ITGB2: variants seen among roughly 807,000 people sequenced by gnomAD.
ITGB2 encodes integrin beta-2.
ITGB2 carries 56 observed loss-of-function variants against 86.8 expected under a neutral mutation model. The ratio of observed to expected loss-of-function variants is 0.65; its 90% CI spans 0.52 to 0.81. The LOEUF is 0.81. Ranked by LOEUF, ITGB2 falls within the 30% of genes least tolerant of loss-of-function variation. ITGB2 has a pLI of 0.00. For missense variants in ITGB2, 948 were observed against 1,061.2 expected, an observed-to-expected ratio of 0.89 and a Z score of 1.48; for synonymous variants, 457 against 450.4, an observed-to-expected ratio of 1.01 and a Z score of -0.19.
chr21:44,897,019 G>C (rs1240740734), intron 8 of ITGB2, among the ~76,000 whole-genome samples: 1 of 152,146 alleles, frequency 6.6e-6, no homozygotes, highest in Non-Finnish European at 1.5e-5. Flanking sequence ...TGGTCTCTGT[G>C]GATGTCCGGC....
intron 3 of ITGB2, 72 bp downstream of exon 3, chr21:44,910,212 C>G: frequency 6.4e-7 from 1 of 1,570,238 alleles, no homozygotes; most frequent in Non-Finnish European, 8.7e-7. Flanking sequence ...CTGGGTGCCA[C>G]TGGCTTCAGG....
At chr21:44,903,196 G>T (rs893188574) in intron 5 of ITGB2, among the ~76,000 whole-genome samples, 169 bp downstream of exon 5, 2 of 152,188 alleles carry the variant, frequency 1.3e-5, no homozygotes, top group Non-Finnish European at 2.9e-5. Context: ...GTGGCCCCTG[G>T]CAGGGAGGCA....
In ITGB2 at chr21:44,919,429, G is replaced by A. The variant is rs552187132; in HGVS notation, c.-4+1392C>T. On this transcript the variant is annotated intron_variant, in intron 1 of 15. Transcript: ENST00000652462. ...GTTCCTTCCTAAAATGTGGAGTCTG[G>A]AGGCCACTCTTGGTAAAGTGCTGGC... Among the ~76,000 whole-genome samples the A allele has an allele frequency of 2.0e-5, 3 of 151,900 alleles. No homozygotes were observed. In the South Asian group the frequency reaches 6.2e-4, roughly 32 times the overall value.
chr21:44,907,001 G>C lies in ITGB2; in HGVS notation c.242C>G (p.Pro81Arg), dbSNP rs2146538855. The C allele has an allele frequency of 3.1e-6, 5 of 1,614,212 alleles. No homozygotes were observed. The highest frequency in any genetic ancestry group is 4.2e-6 in the Non-Finnish European group (5 of 1,180,034). ...RGCAADDIMD[P>R]TSLAETQEDH... Reference sequence around the variant, plus strand: ...TTCCTGGGTTTCAGCGAGGCTTGTGGGGTCCATGATGTCGTCAGCCGCACA... The same window carrying C: ...TTCCTGGGTTTCAGCGAGGCTTGTGCGGTCCATGATGTCGTCAGCCGCACA... Residue 81 changes from proline (P) to arginine (R), a missense_variant, in exon 4 of 16, where the codon CCC becomes CGC. By Grantham distance (103) the Pro-to-Arg change is moderately radical. Coordinates refer to ENST00000652462, the MANE Select transcript of ITGB2 (RefSeq NM_000211.5).
chr21:44,893,761 A>T lies in ITGB2; in HGVS notation c.1084-217T>A. ...AGACAGCCTGACCACAGGGACTAGC[A>T]TGGAGCCAGGGTGTGAGCCTCAGGG... is the stretch of plus-strand genomic sequence containing the variant. On this transcript the variant is annotated intron_variant, in intron 9 of 15. Transcript: ENST00000652462. 5.1e-6 allele frequency: 3 copies of T among 589,370 alleles called. No individual in the cohort carries two copies. The South Asian group carries it at 5.2e-5, about 10-fold the overall frequency. The allele number at this position is 589,370 out of a possible 1,614,324, so 36.5% of individuals were successfully genotyped here.
chr21:44,910,371 G>A lies in ITGB2; in HGVS notation c.60C>T (p.Val20=). The part of the protein sequence containing the change: ...ALVGLLSLGC[V]LSQECTKFKV... Reference sequence around the variant, plus strand: ...TGAACTTCGTGCACTCCTGAGAGAGGACTGAGGGACGAGGCCGGCTGGTGA... The same window carrying A: ...TGAACTTCGTGCACTCCTGAGAGAGAACTGAGGGACGAGGCCGGCTGGTGA... The change falls in exon 3 of 16, where the codon GTC becomes GTT. Residue 20 remains valine (V), a splice_region_variant and synonymous_variant. Coordinates refer to ENST00000652462, the MANE Select transcript of ITGB2 (RefSeq NM_000211.5). 1 of 1,614,162 alleles carries A rather than the reference G, an allele frequency of 6.2e-7. No individual in the cohort carries two copies. The highest frequency in any genetic ancestry group is 1.1e-5 in the South Asian group (1 of 91,086).
Position 44,898,589 on chromosome 21 carries a change from C to T in ITGB2, c.993+478G>A, listed in dbSNP as rs938618609. Among the ~76,000 whole-genome samples the T allele has an allele frequency of 5.9e-5, 9 of 152,212 alleles. 1 individual carries two copies. The highest frequency in any genetic ancestry group is 4.1e-4 in the South Asian group (2 of 4,828). ...ACTAGCAGCGGAAATGCAGGATGAA[C>T]GTGTTTCACTGGGGGCCTCTTTTTC... On this transcript the variant is annotated intron_variant, in intron 8 of 15. Transcript: ENST00000652462.
intron 7 of ITGB2, among the ~76,000 whole-genome samples, chr21:44,900,052 G>T (rs955097022): frequency 6.6e-6 from 1 of 152,218 alleles, no homozygotes; most frequent in Non-Finnish European, 1.5e-5. Context: ...CAGGTAGGGG[G>T]GCAGTGGGGC....
At chr21:44,912,153 C>T (rs772602871) in intron 1 of ITGB2, among the ~76,000 whole-genome samples, 1 of 152,248 alleles carries the variant, frequency 6.6e-6, no homozygotes, top group African/African-American at 2.4e-5. Context: ...GCTGCTGGGG[C>T]GTTCCTGCCC....
intron 5 of ITGB2, among the ~76,000 whole-genome samples, chr21:44,902,531 G>A (rs972800631): frequency 2.6e-5 from 4 of 151,894 alleles, no homozygotes; most frequent in South Asian, 2.1e-4. Flanking sequence ...ATACATTCAC[G>A]TGTGTGAGCA....
At chr21:44,919,268 G>A (rs1301470665) in intron 1 of ITGB2, among the ~76,000 whole-genome samples, 5 of 152,212 alleles carry the variant, frequency 3.3e-5, no homozygotes, top group Non-Finnish European at 7.3e-5. Context: ...CTCAGCCGCC[G>A]CCCTGCAGGG....
At chr21:44,893,309 C>A (rs931384236) in intron 10 of ITGB2, 95 bp downstream of exon 10, 2 of 1,491,160 alleles carry the variant, frequency 1.3e-6, no homozygotes. Context: ...GTCCCCAGGA[C>A]CCCTCAGTGT....
intron 4 of ITGB2, 39 bp from the exon 5 acceptor site, chr21:44,903,574 A>T (rs764800801): frequency 6.2e-7 from 1 of 1,612,406 alleles, no homozygotes. Flanking sequence ...CACACCTCAC[A>T]TCTCACACAG....
rs753429151 is a variant in ITGB2 at position 44,900,372 on chromosome 21, T to C, written c.845A>G (p.Asn282Ser). Residue 282 changes from asparagine (N) to serine (S), a missense_variant, in exon 7 of 16, where the codon AAC (asparagine) becomes AGC (serine). By Grantham distance (46) the Asn-to-Ser change is conservative. Transcript: ENST00000652462. ...DGKLGAILTP[N>S]DGRCHLEDNL... ...GTCCTCCAGGTGACAGCGGCCGTCG[T>C]TGGGGGTCAGGATGGCGCCCAGCTT... The C allele has an allele frequency of 1.2e-6, 2 of 1,613,992 alleles. No individual in the cohort carries two copies. Among genetic ancestry groups the C allele is most frequent in the South Asian group, 2.2e-5 (2 of 91,094 alleles).
At chr21:44,891,706 G>T in intron 11 of ITGB2, 103 bp downstream of exon 11, 1 of 1,334,826 alleles carries the variant, frequency 7.5e-7, no homozygotes, top group Non-Finnish European at 1.0e-6. Context: ...GCTCCGTGGG[G>T]TGGGGGAAGG....
In ITGB2 at chr21:44,891,866, T is replaced by C. The variant is rs762895119; in HGVS notation, c.1355A>G (p.Gln452Arg). The change falls in exon 11 of 16, where the codon CAG becomes CGG. Residue 452 changes from glutamine to arginine, a missense_variant. Coordinates refer to ENST00000652462, the MANE Select transcript of ITGB2 (RefSeq NM_000211.5). Reference sequence around the variant, plus strand: ...ATGGCAGAGGCTGCGGTCTCTGCTCTGGTCCCGGCACCGGCACTCACACTG... The same window carrying C: ...ATGGCAGAGGCTGCGGTCTCTGCTCCGGTCCCGGCACCGGCACTCACACTG... ...LPQCECRCRDQSRDRSLCHGK... is the reference protein window; with the variant it reads ...LPQCECRCRDRSRDRSLCHGK... The C allele has an allele frequency of 6.2e-7, 1 of 1,612,062 alleles. No homozygotes were observed. Among genetic ancestry groups the C allele is most frequent in the Non-Finnish European group, 8.5e-7 (1 of 1,179,978 alleles).
chr21:44,910,614 T>C, intron 2 of ITGB2, 111 bp downstream of exon 2: 1 of 1,426,894 alleles, frequency 7.0e-7, no homozygotes, highest in South Asian at 1.2e-5. Flanking sequence ...AGTGGCAAGG[T>C]CCTTCCCCAG....
At chr21:44,892,928 G>T in intron 10 of ITGB2, 1 of 191,842 alleles carries the variant, frequency 5.2e-6, no homozygotes, top group South Asian at 9.6e-5. Context: ...CAGGTTTGCC[G>T]TTTGCGCCTG....
intron 3 of ITGB2, chr21:44,907,927 C>G (rs1322157290): frequency 1.5e-5 from 9 of 599,442 alleles, no homozygotes; most frequent in African/African-American, 3.7e-5. Context: ...AGTACATCAG[C>G]AAGTATCCCA....
Sources: gnomAD v4.1 joint callset for allele counts (sites outside exome capture counted in the v4.1 genomes callset) on GRCh38, gnomAD v4.1.1 for gene constraint, MANE v1.5 for transcripts, NCBI Gene and HGNC (gene_info 2026-07-23, HGNC 2026-07-21) for gene names.